The following IL6R variants were observed in gnomAD, a reference collection of about 807,000 sequenced individuals.
IL6R encodes interleukin 6 receptor, also known as interleukin-6 receptor subunit alpha.
Under a neutral mutation model 48.3 loss-of-function variants are expected in IL6R, and 38 were observed. The ratio of observed to expected loss-of-function variants is 0.79; its 90% CI spans 0.61 to 1.03. The LOEUF (loss-of-function observed/expected upper bound fraction) is 1.03. IL6R is among the 50% of genes least tolerant of loss of function. The probability of loss-of-function intolerance (pLI) is 0.00; values close to 1 mark genes in which losing one functional copy is unlikely to be tolerated. For missense variants in IL6R, 534 were observed against 618.3 expected (o/e 0.86, Z 1.45); for synonymous variants, 264 against 256.2 (o/e 1.03, Z -0.29).
chr1:154,445,629 A>G (rs1288463946), intron 6 of IL6R, among the ~76,000 whole-genome samples: 1 of 151,926 alleles, frequency 6.6e-6, no homozygotes, highest in Non-Finnish European at 1.5e-5. Context: ...GGGCGCCTGT[A>G]GTCCCAGCTA....
At chr1:154,442,247 C>T (rs761072538) in intron 6 of IL6R, among the ~76,000 whole-genome samples, 5 of 152,038 alleles carry the variant, frequency 3.3e-5, no homozygotes, top group Non-Finnish European at 5.9e-5. Context: ...ACGATAAGGC[C>T]GTAAGCAGAC....
At chr1:154,417,919 G>C (rs907209961) in intron 1 of IL6R, among the ~76,000 whole-genome samples, 3 of 152,060 alleles carry the variant, frequency 2.0e-5, no homozygotes, top group Non-Finnish European at 4.4e-5. Context: ...ATTTTTAGTA[G>C]AGACAGGATT....
chr1:154,407,044 T>A (rs1373712186), intron 1 of IL6R, among the ~76,000 whole-genome samples: 1 of 152,138 alleles, frequency 6.6e-6, no homozygotes, highest in African/African-American at 2.4e-5. Context: ...GTGTGGTAGA[T>A]GTCTAAGACT....
At chr1:154,425,770 T>C (rs1688926042) in intron 1 of IL6R, among the ~76,000 whole-genome samples, 1 of 144,732 alleles carries the variant, frequency 6.9e-6, no homozygotes. Flanking sequence ...TGAGACCCTG[T>C]CCCAAGAAAA....
chr1:154,438,411 T>A (rs986071268), intron 6 of IL6R, among the ~76,000 whole-genome samples: 1 of 152,110 alleles, frequency 6.6e-6, no homozygotes, highest in Non-Finnish European at 1.5e-5. Context: ...TCCCAGTGTT[T>A]TTGTTGTAGA....
intron 8 of IL6R, 140 bp from the exon 9 acceptor site, chr1:154,454,348 A>G (rs1340351789): frequency 3.2e-6 from 2 of 624,474 alleles, no homozygotes; most frequent in East Asian, 2.7e-5. Context: ...GAGCTGTTTC[A>G]TTTTCTGGGA....
At chr1:154,448,036 A>G (rs998125158) in intron 6 of IL6R, 89 bp from the exon 7 acceptor site, 6 of 1,074,138 alleles carry the variant, frequency 5.6e-6, no homozygotes, top group South Asian at 1.3e-5. Flanking sequence ...TAACATTGAG[A>G]TGAACTTTTT....
chr1:154,449,094 A>G (rs1690442093), intron 7 of IL6R, among the ~76,000 whole-genome samples: 1 of 144,678 alleles, frequency 6.9e-6, no homozygotes, highest in African/African-American at 2.5e-5. Flanking sequence ...ACGGGGTTTC[A>G]CCTTGTTAGC....
At chr1:154,440,813 C>G (rs749002270) in intron 6 of IL6R, among the ~76,000 whole-genome samples, 2 of 152,116 alleles carry the variant, frequency 1.3e-5, no homozygotes, top group Non-Finnish European at 2.9e-5. Flanking sequence ...CCACCACACC[C>G]AGCTAATTTT....
In IL6R at chr1:154,430,398, C is replaced by G. The variant is rs562775173; in HGVS notation, c.335-85C>G. 4.4e-5 allele frequency: 68 copies of G among 1,554,020 alleles called. 1 individual carries two copies. The South Asian group carries it at 7.8e-4, about 18-fold the overall frequency. ...CCGAGGGGCCCAGCCACGTGCTCCC[C>G]TCAAGGGAGGCTGCCCTGTCTGCGA... On this transcript the variant is annotated intron_variant, in intron 2 of 9. Transcript: ENST00000368485.
chr1:154,454,326 T>C (rs1690750849), intron 8 of IL6R, 162 bp from the exon 9 acceptor site: 1 of 607,712 alleles, frequency 1.6e-6, no homozygotes, highest in Admixed American at 2.9e-5. Context: ...TCAAATGGCC[T>C]GTTGGTTGGC....
Position 154,467,918 on chromosome 1 carries a change from C to T in IL6R, c.*2538C>T, listed in dbSNP as rs1301384880. The T allele has an allele frequency of 1.3e-5, 2 of 152,098 alleles. No homozygotes were observed. Among genetic ancestry groups the T allele is most frequent in the Non-Finnish European group, 2.9e-5 (2 of 68,022 alleles). 9.4% of individuals were successfully genotyped at this position (152,098 alleles called of 1,614,324 possible). The stretch of plus-strand genomic sequence containing the variant: ...CCCACAGTTCTTCAATTCTTTATAC[C>T]GTTTTACCCACATGTGGTGTTACCA... On this transcript the variant is annotated 3_prime_UTR_variant, in exon 10 of 10. Transcript: ENST00000368485.
rs1417696692 is a variant in IL6R at position 154,468,599 on chromosome 1, C to T, written c.*3219C>T. On this transcript the variant is annotated 3_prime_UTR_variant, in exon 10 of 10. Transcript: ENST00000368485. Reference sequence around the variant, plus strand: ...CGCTTTCTTTATCAGGCTCTGAGTTCACACGGAGCCTCTGGCACTTCCCTG... The same window carrying T: ...CGCTTTCTTTATCAGGCTCTGAGTTTACACGGAGCCTCTGGCACTTCCCTG... 1 of 152,190 alleles carries T rather than the reference C, an allele frequency of 6.6e-6. No homozygotes were observed. Among genetic ancestry groups the T allele is most frequent in the African/African-American group, 2.4e-5 (1 of 41,444 alleles). 9.4% of individuals were successfully genotyped at this position (152,190 alleles called of 1,614,324 possible).
intron 3 of IL6R, among the ~76,000 whole-genome samples, chr1:154,431,736 G>C (rs562107198): frequency 6.6e-6 from 1 of 152,164 alleles, no homozygotes. Flanking sequence ...GTTAGAAGGA[G>C]GATCAGCTGT....
intron 1 of IL6R, among the ~76,000 whole-genome samples, chr1:154,411,588 G>A (rs934962032): frequency 2.0e-5 from 3 of 152,202 alleles, no homozygotes; most frequent in African/African-American, 7.2e-5. Context: ...CTCTGAGAGA[G>A]GCCGCTGAGG....
chr1:154,416,483 T>C (rs1024680573), intron 1 of IL6R, among the ~76,000 whole-genome samples: 3 of 152,142 alleles, frequency 2.0e-5, no homozygotes, highest in Non-Finnish European at 4.4e-5. Flanking sequence ...CACTGATGTA[T>C]TTTTAATGCC....
At chr1:154,457,989 C>CG (rs1691001637) in intron 9 of IL6R, among the ~76,000 whole-genome samples, 1 of 126,754 alleles carries the variant, frequency 7.9e-6, no homozygotes, top group African/African-American at 2.8e-5. Context: ...TTTTTTGAGA[C>CG]GGAGTCTCGC....
intron 1 of IL6R, among the ~76,000 whole-genome samples, chr1:154,423,948 G>T (rs1688832366): frequency 6.6e-6 from 1 of 152,246 alleles, no homozygotes. Context: ...CTATTGTTCA[G>T]GCTGGCCGCT....
intron 1 of IL6R, chr1:154,414,233 A>G: frequency 6.2e-6 from 3 of 481,742 alleles, no homozygotes; most frequent in Middle Eastern, 6.0e-4. Flanking sequence ...ACTTAATAAC[A>G]TCCTTCCCAT....
Sources: allele counts gnomAD v4.1 joint callset (sites outside exome capture counted in the v4.1 genomes callset), GRCh38; gene constraint gnomAD v4.1.1; transcripts MANE v1.5; gene names NCBI Gene and HGNC (gene_info 2026-07-23, HGNC 2026-07-21).